Variants in SNX29 observed in about 807,000 individuals in gnomAD.
SNX29 encodes the protein sorting nexin-29.
In SNX29, 78 loss-of-function variants were observed where a neutral mutation model predicts 102.1. That is an observed-to-expected ratio of 0.76 (90% CI 0.64 to 0.92). The LOEUF is 0.92. Ranked by LOEUF, SNX29 falls within the 40% of genes least tolerant of loss-of-function variation. The probability of loss-of-function intolerance (pLI) is 0.00; values close to 1 mark genes in which losing one functional copy is unlikely to be tolerated. For synonymous variants in SNX29, 580 were observed against 414.5 expected (o/e 1.40, Z -4.85); for missense variants, 1,280 against 1,061.7 (o/e 1.21, Z -2.86).
At chr16:12,177,359 G>A (rs1307727419) in intron 13 of SNX29, among the ~76,000 whole-genome samples, 1 of 152,176 alleles carries the variant, frequency 6.6e-6, no homozygotes, top group African/African-American at 2.4e-5. Flanking sequence ...GAGTGGAATT[G>A]GGCTGGATCG....
chr16:12,457,905 C>T (rs572570569), intron 18 of SNX29, among the ~76,000 whole-genome samples: 4 of 152,164 alleles, frequency 2.6e-5, no homozygotes, highest in South Asian at 2.1e-4. Context: ...GAGGGTTCCT[C>T]GTGATGACTA....
chr16:12,461,978 A>ATAAT (rs869301507), intron 18 of SNX29, among the ~76,000 whole-genome samples: 6 of 27,356 alleles, frequency 2.2e-4, no homozygotes, highest in Non-Finnish European at 2.5e-4. Flanking sequence ...AAAAAAAAAA[A>ATAAT]ATATATATAT....
chr16:12,536,287 C>A (rs542848878), intron 20 of SNX29, among the ~76,000 whole-genome samples: 1 of 151,990 alleles, frequency 6.6e-6, no homozygotes, highest in Non-Finnish European at 1.5e-5. Context: ...ATGTTTTTCT[C>A]ACTAGCTCGT....
rs192201277 is a variant in SNX29, at chr16:12,571,342, G to A, written c.*2713G>A. On this transcript the variant is annotated 3_prime_UTR_variant, in exon 21 of 21. Transcript: ENST00000566228. ...CTGTCAGCCTGGATTCAATTCTGAG[G>A]GCTAAGCCACGACCTTATCCATGAG... The A allele has an allele frequency of 8.6e-6, 2 of 231,484 alleles. No homozygotes were observed. The highest frequency in any genetic ancestry group is 5.6e-5 in the Admixed American group (1 of 17,720). 14.3% of individuals were successfully genotyped at this position (231,484 alleles called of 1,614,324 possible). A position where few individuals can be genotyped will look rare whatever the true frequency, so the allele number is the denominator to read the frequency against.
chr16:12,004,431 AAGGAGACACATAGGGCTTGGTAAAGGT>A (rs1406488075), intron 3 of SNX29, among the ~76,000 whole-genome samples: 6 of 152,222 alleles, frequency 3.9e-5, no homozygotes, highest in East Asian at 1.9e-4. Flanking sequence ...CATTGGCTGG[AAGGAGACACATAGGGCTTGGTAAAGGT>A]AGGAGACACA....
intron 14 of SNX29, among the ~76,000 whole-genome samples, chr16:12,249,578 T>G (rs752556220): frequency 6.6e-6 from 1 of 152,182 alleles, no homozygotes; most frequent in African/African-American, 2.4e-5. Context: ...AAAGGACAGA[T>G]TGTAGAACCA....
At chr16:12,565,354 C>T (rs1440253057) in intron 20 of SNX29, among the ~76,000 whole-genome samples, 1 of 152,208 alleles carries the variant, frequency 6.6e-6, no homozygotes, top group Non-Finnish European at 1.5e-5. Context: ...GTCACGCACT[C>T]ACTGAAGCCC....
At chr16:12,555,080 G>C (rs150739095) in intron 20 of SNX29, among the ~76,000 whole-genome samples, 2 of 151,702 alleles carry the variant, frequency 1.3e-5, no homozygotes, top group Admixed American at 6.6e-5. Flanking sequence ...GGGAGGTGGA[G>C]GAAAAGTGAA....
intron 3 of SNX29, among the ~76,000 whole-genome samples, chr16:12,023,606 AAAAG>A (rs1318833607): frequency 6.6e-6 from 1 of 151,730 alleles, no homozygotes; most frequent in Non-Finnish European, 1.5e-5. Context: ...AAAAGAAAAG[AAAAG>A]AAAGAACTCT....
chr16:12,551,180 C>G (rs768779413), intron 20 of SNX29, among the ~76,000 whole-genome samples: 2 of 152,096 alleles, frequency 1.3e-5, no homozygotes, highest in African/African-American at 2.4e-5. Context: ...ATCGTGCAGA[C>G]TTCCCCACAG....
rs574090459 is a variant in SNX29, at chr16:12,483,114, G to GTTTTTTTTTTTTTT, written c.2178+5271_2178+5284dup. On this transcript the variant is annotated intron_variant, in intron 19 of 20. Transcript: ENST00000566228. ...AATAGATACATATTGAAGTTATTAAGTTTTTTTTTTTTTTTTTTTTTTTTT... is the reference window on the plus strand; with the variant it reads ...AATAGATACATATTGAAGTTATTAAGTTTTTTTTTTTTTTTTTTTTTTTTTTTTTTTTTTTTTTT... 7.6e-4 allele frequency among the ~76,000 whole-genome samples: 50 copies of GTTTTTTTTTTTTTT among 66,204 alleles called. 5 individuals carry two copies. The highest frequency in any genetic ancestry group is 1.2e-3 in the Admixed American group (6 of 4,860). 43.4% of individuals were successfully genotyped at this position (66,204 alleles called of 152,430 possible). A position where few individuals can be genotyped will look rare whatever the true frequency, so the allele number is the denominator to read the frequency against.
At chr16:12,493,825 C>T (rs552798486) in intron 19 of SNX29, among the ~76,000 whole-genome samples, 2 of 152,334 alleles carry the variant, frequency 1.3e-5, no homozygotes, top group South Asian at 4.1e-4. Context: ...CTCCTGACCT[C>T]AGATGATCCA....
intron 10 of SNX29, among the ~76,000 whole-genome samples, chr16:12,078,400 A>T (rs1390701294): frequency 4.6e-5 from 7 of 152,146 alleles, no homozygotes; most frequent in Non-Finnish European, 2.9e-5. Context: ...GCTTGAACCC[A>T]GGAGGTGGAG....
intron 18 of SNX29, among the ~76,000 whole-genome samples, chr16:12,414,928 G>T (rs2084564026): frequency 6.6e-6 from 1 of 152,154 alleles, no homozygotes; most frequent in Non-Finnish European, 1.5e-5. Flanking sequence ...TCACCATGTT[G>T]GCTAGGCTGG....
intron 2 of SNX29, among the ~76,000 whole-genome samples, chr16:12,001,950 T>A (rs1421748642): frequency 6.6e-6 from 1 of 151,458 alleles, no homozygotes; most frequent in Admixed American, 6.6e-5. Flanking sequence ...AGCCTAGGTA[T>A]TCGAGATTAC....
At chr16:12,115,016 C>T (rs916543913) in intron 11 of SNX29, among the ~76,000 whole-genome samples, 1 of 152,184 alleles carries the variant, frequency 6.6e-6, no homozygotes, top group African/African-American at 2.4e-5. Context: ...TAACTTCTCT[C>T]GGTCTTTCCA....
chr16:12,283,533 A>T (rs2151032238), intron 15 of SNX29, among the ~76,000 whole-genome samples: 1 of 151,922 alleles, frequency 6.6e-6, no homozygotes, highest in African/African-American at 2.4e-5. Flanking sequence ...GTTGGTCAGG[A>T]TGGTCTTGAT....
intron 16 of SNX29, among the ~76,000 whole-genome samples, chr16:12,383,551 C>T (rs2083248422): frequency 6.6e-6 from 1 of 152,002 alleles, no homozygotes; most frequent in South Asian, 2.1e-4. Context: ...ATTCTTCTGC[C>T]TCAGCCTCCC....
At chr16:12,560,130 T>TACCCCC (rs2078635709) in intron 20 of SNX29, among the ~76,000 whole-genome samples, 1 of 109,542 alleles carries the variant, frequency 9.1e-6, no homozygotes, top group African/African-American at 3.6e-5. Context: ...AGTTCTGTGT[T>TACCCCC]CCCCTCCCCC....
Sources: gnomAD v4.1 joint callset for allele counts (sites outside exome capture counted in the v4.1 genomes callset) on GRCh38, gnomAD v4.1.1 for gene constraint, MANE v1.5 for transcripts, NCBI Gene and HGNC (gene_info 2026-07-23, HGNC 2026-07-21) for gene names.